The following STXBP6 variants were observed in gnomAD, a reference collection of about 807,000 sequenced individuals.
STXBP6 encodes syntaxin binding protein 6.
A neutral mutation model predicts 26.9 loss-of-function variants in STXBP6; 21 were observed. The observed-to-expected ratio is 0.78, with a 90% CI of 0.55 to 1.12. STXBP6 has a LOEUF of 1.12. STXBP6 is among the 50% of genes most tolerant of loss of function. The pLI, the probability that STXBP6 is intolerant of heterozygous loss-of-function variation, is 0.00. For synonymous variants in STXBP6, 97 were observed against 92.6 expected (o/e 1.05, Z -0.27); for missense variants, 232 against 257.9 (o/e 0.90, Z 0.69).
chr14:25,031,155 C>T (rs1441810769), intron 1 of STXBP6, among the ~76,000 whole-genome samples: 1 of 152,192 alleles, frequency 6.6e-6, no homozygotes, highest in Non-Finnish European at 1.5e-5. Flanking sequence ...AAAGCCATCA[C>T]TTGGTTCTCC....
intron 4 of STXBP6, among the ~76,000 whole-genome samples, chr14:24,831,214 A>T (rs1404980991): frequency 6.6e-6 from 1 of 152,144 alleles, no homozygotes; most frequent in African/African-American, 2.4e-5. Flanking sequence ...ACTTCATCAA[A>T]ATTTAAAAAG....
intron 4 of STXBP6, among the ~76,000 whole-genome samples, chr14:24,855,276 T>C (rs937212735): frequency 5.9e-5 from 9 of 152,104 alleles, no homozygotes; most frequent in African/African-American, 2.2e-4. Flanking sequence ...ACCAATGATA[T>C]AAACACTCTT....
chr14:24,850,216 T>A (rs1389808906), intron 4 of STXBP6, among the ~76,000 whole-genome samples: 2 of 152,098 alleles, frequency 1.3e-5, no homozygotes, highest in African/African-American at 4.8e-5. Context: ...CACAGTTTGA[T>A]TGAATCCTGA....
At chr14:24,885,684 C>A (rs536684353) in intron 2 of STXBP6, among the ~76,000 whole-genome samples, 1 of 152,250 alleles carries the variant, frequency 6.6e-6, no homozygotes, top group African/African-American at 2.4e-5. Context: ...TTTGCCTTCT[C>A]CCTGAAATCC....
At chr14:24,918,510 T>C (rs1191631509) in intron 2 of STXBP6, among the ~76,000 whole-genome samples, 10 of 124,924 alleles carry the variant, frequency 8.0e-5, no homozygotes, top group Non-Finnish European at 1.2e-4. Context: ...ACAGCAGGCA[T>C]GGATGTCTAA....
chr14:24,932,982 G>A lies in STXBP6; in HGVS notation c.154+41683C>T, dbSNP rs1340052271. Among the ~76,000 whole-genome samples, 2 of 152,226 alleles carry A rather than the reference G, an allele frequency of 1.3e-5. 1 individual carries two copies. The highest frequency in any genetic ancestry group is 4.1e-4 in the South Asian group (2 of 4,834). On this transcript the variant is annotated intron_variant, in intron 2 of 5. Transcript: ENST00000323944. ...CTGAATGTAAAGATTTAAAGCAGTA[G>A]AAAGGGGTCCAGGCTAAATATAAGA...
chr14:25,017,574 A>C (rs1016752678), intron 1 of STXBP6, among the ~76,000 whole-genome samples: 1 of 152,236 alleles, frequency 6.6e-6, no homozygotes, highest in Non-Finnish European at 1.5e-5. Flanking sequence ...GATGCAATGT[A>C]TTCAAAGATC....
chr14:24,986,457 T>A (rs2074334755), intron 1 of STXBP6, among the ~76,000 whole-genome samples: 1 of 152,104 alleles, frequency 6.6e-6, no homozygotes, highest in Non-Finnish European at 1.5e-5. Flanking sequence ...CACATGTCCA[T>A]TCTCGGTTTG....
At position 24,981,138 on chromosome 14, in the gene STXBP6, T is replaced by C. The variant is rs1352370131; in HGVS notation, c.-32-6288A>G. ...TTTGTAAAGCCCTAGTAATGAATCA[T>C]TGAAGTTTACATAGCACTTCATGAT... On this transcript the variant is annotated intron_variant, in intron 1 of 5. Transcript: ENST00000323944. Among the ~76,000 whole-genome samples the C allele has an allele frequency of 2.6e-5, 4 of 152,356 alleles. No homozygotes were observed. The East Asian group carries it at 5.8e-4, about 22-fold the overall frequency.
chr14:24,873,585 C>T (rs545515051), intron 2 of STXBP6, among the ~76,000 whole-genome samples: 1 of 152,272 alleles, frequency 6.6e-6, no homozygotes, highest in African/African-American at 2.4e-5. Flanking sequence ...ACAATGAGAA[C>T]GGTGACTTCC....
chr14:24,818,775 A>C (rs915257595), intron 5 of STXBP6, among the ~76,000 whole-genome samples: 1 of 152,160 alleles, frequency 6.6e-6, no homozygotes, highest in African/African-American at 2.4e-5. Flanking sequence ...GCAGGAACTA[A>C]AGATGGTCCA....
chr14:25,030,302 A>G (rs1167902388), intron 1 of STXBP6, among the ~76,000 whole-genome samples: 1 of 152,168 alleles, frequency 6.6e-6, no homozygotes, highest in East Asian at 1.9e-4. Context: ...ATATGAGGGG[A>G]AAAGGCAGGG....
intron 1 of STXBP6, among the ~76,000 whole-genome samples, chr14:25,015,800 GA>G (rs57895563): frequency 0.075 from 10,046 of 134,812 alleles, 1,008 homozygotes; most frequent in African/African-American, 0.24. Context: ...CAACAACAAG[GA>G]AAAAAAAAAA....
intron 1 of STXBP6, among the ~76,000 whole-genome samples, chr14:25,027,886 A>T (rs557673468): frequency 6.6e-6 from 1 of 152,378 alleles, no homozygotes; most frequent in East Asian, 1.9e-4. Context: ...TGGATGCAAG[A>T]TCAAACCAGC....
At chr14:24,814,879 T>C (rs754377817) in intron 5 of STXBP6, among the ~76,000 whole-genome samples, 15 of 152,194 alleles carry the variant, frequency 9.9e-5, no homozygotes, top group Admixed American at 5.2e-4. Flanking sequence ...AATCAAACAA[T>C]TGGCCTTCAC....
chr14:24,812,438 C>G lies in STXBP6; in HGVS notation c.*271G>C. 2.9e-6 allele frequency: 1 copy of G among 343,446 alleles called. No individual in the cohort carries two copies. Among genetic ancestry groups the G allele is most frequent in the South Asian group, 9.4e-5 (1 of 10,608 alleles). 21.3% of individuals were successfully genotyped at this position (343,446 alleles called of 1,614,324 possible). ...TTTAATAAAGAAAACATATTCAAAA[C>G]ATACATATACACACATACACACAGT... On this transcript the variant is annotated 3_prime_UTR_variant, in exon 6 of 6. Transcript: ENST00000323944.
At chr14:25,017,178 T>C (rs573750025) in intron 1 of STXBP6, among the ~76,000 whole-genome samples, 5 of 152,186 alleles carry the variant, frequency 3.3e-5, no homozygotes, top group Admixed American at 1.3e-4. Context: ...GTATTTGTGC[T>C]AGTTGGTAGG....
At chr14:24,994,471 T>G (rs532742398) in intron 1 of STXBP6, among the ~76,000 whole-genome samples, 5 of 152,216 alleles carry the variant, frequency 3.3e-5, no homozygotes, top group African/African-American at 4.8e-5. Context: ...TTCAATCCCT[T>G]CACAAAGCTA....
At chr14:24,972,205 T>C (rs1404838265) in intron 2 of STXBP6, among the ~76,000 whole-genome samples, 8 of 152,090 alleles carry the variant, frequency 5.3e-5, no homozygotes, top group Middle Eastern at 6.8e-3. Flanking sequence ...GAACAAAAGA[T>C]TTTCCTCCAT....
Sources: allele counts gnomAD v4.1 joint callset (sites outside exome capture counted in the v4.1 genomes callset), GRCh38; gene constraint gnomAD v4.1.1; transcripts MANE v1.5; gene names NCBI Gene and HGNC (gene_info 2026-07-23, HGNC 2026-07-21).